Variants in PCDHGA2 observed in about 807,000 individuals in gnomAD.
The protein encoded by PCDHGA2 is protocadherin gamma-A2.
PCDHGA2 carries 40 observed loss-of-function variants against 59.2 expected under a neutral mutation model. The ratio of observed to expected loss-of-function variants is 0.68; its 90% CI spans 0.52 to 0.88. PCDHGA2 has a LOEUF of 0.88. PCDHGA2 is among the 40% of genes least tolerant of loss of function. PCDHGA2 has a pLI of 0.00. For missense variants in PCDHGA2, 1,226 were observed against 1,204.0 expected (o/e 1.02, Z -0.27); for synonymous variants, 560 against 526.0 (o/e 1.06, Z -0.89).
intron 1 of PCDHGA2, chr5:141,413,452 AGGATAGACC>A (rs2095643065): frequency 6.2e-7 from 1 of 1,614,124 alleles, no homozygotes; most frequent in Admixed American, 1.7e-5. Context: ...CACCGCGGGC[AGGATAGACC>A]GGGAGGAGCT....
At chr5:141,469,543 C>T (rs1031152008) in intron 1 of PCDHGA2, among the ~76,000 whole-genome samples, 1 of 152,040 alleles carries the variant, frequency 6.6e-6, no homozygotes, top group Non-Finnish European at 1.5e-5. Context: ...CCACTGCACT[C>T]CAGCCTGGCG....
At chr5:141,370,775 C>T (rs1767193256) in intron 1 of PCDHGA2, 2 of 1,613,848 alleles carry the variant, frequency 1.2e-6, no homozygotes, top group South Asian at 1.1e-5. Flanking sequence ...AGGATATTAA[C>T]GACAACCCAC....
At chr5:141,403,560 A>G in intron 1 of PCDHGA2, 1 of 1,613,972 alleles carries the variant, frequency 6.2e-7, no homozygotes, top group Non-Finnish European at 8.5e-7. Context: ...CTGGACAGGG[A>G]GGAGGCAACT....
chr5:141,372,316 G>T, intron 1 of PCDHGA2: 1 of 1,613,524 alleles, frequency 6.2e-7, no homozygotes, highest in East Asian at 2.2e-5. Flanking sequence ...GCCCGCCAGC[G>T]CCTGCTGGTC....
At chr5:141,434,561 G>A (rs2097702856) in intron 1 of PCDHGA2, among the ~76,000 whole-genome samples, 1 of 152,188 alleles carries the variant, frequency 6.6e-6, no homozygotes, top group Non-Finnish European at 1.5e-5. Flanking sequence ...GTGCCTTAAG[G>A]ACATGCCCCT....
chr5:141,492,461 G>T (rs1218833302), intron 1 of PCDHGA2, among the ~76,000 whole-genome samples: 1 of 152,212 alleles, frequency 6.6e-6, no homozygotes, highest in Non-Finnish European at 1.5e-5. Flanking sequence ...CGCGCCTGAG[G>T]GTCCCAGATC....
chr5:141,365,663 G>C lies in PCDHGA2; in HGVS notation c.2424+24268G>C, dbSNP rs117201633. The stretch of plus-strand genomic sequence containing the variant: ...CCACATCCCCTTGAAAGTAGCAGAC[G>C]TTAATGACAACCCACCCAATTTCCC... On this transcript the variant is annotated intron_variant, in intron 1 of 3. Transcript: ENST00000394576. 4.9e-5 allele frequency: 79 copies of C among 1,613,390 alleles called. No individual in the cohort carries two copies. The East Asian group carries it at 1.3e-3, about 26-fold the overall frequency.
In PCDHGA2 at chr5:141,371,429, G is replaced by A. The variant is rs766625096; in HGVS notation, c.2424+30034G>A. 6.2e-6 allele frequency: 10 copies of A among 1,613,916 alleles called. No homozygotes were observed. In the East Asian group the frequency reaches 1.6e-4, roughly 25 times the overall value. On this transcript the variant is annotated intron_variant, in intron 1 of 3. Transcript: ENST00000394576. ...TTTCAGATGAAAATGACAATGCCCC[G>A]GAGATAACCCTGGCTTCTGAATCCC...
At chr5:141,467,564 G>A (rs926613546) in intron 1 of PCDHGA2, among the ~76,000 whole-genome samples, 5 of 152,152 alleles carry the variant, frequency 3.3e-5, no homozygotes, top group Admixed American at 3.3e-4. Flanking sequence ...TTCCCAAATG[G>A]CTATCCAGTT....
At chr5:141,351,438 C>G in intron 1 of PCDHGA2, 1 of 1,612,402 alleles carries the variant, frequency 6.2e-7, no homozygotes, top group Non-Finnish European at 8.5e-7. Context: ...TTAGAATCCA[C>G]CTCGAAGAAT....
chr5:141,357,520 A>G (rs1385888132), intron 1 of PCDHGA2: 2 of 1,614,216 alleles, frequency 1.2e-6, no homozygotes, highest in Non-Finnish European at 1.7e-6. Flanking sequence ...CTCCCAACCC[A>G]GCTATGCAGA....
chr5:141,373,525 A>G (rs1404075299), intron 1 of PCDHGA2, among the ~76,000 whole-genome samples: 1 of 152,222 alleles, frequency 6.6e-6, no homozygotes, highest in Non-Finnish European at 1.5e-5. Flanking sequence ...TTTGTCTCCA[A>G]AAAAGTGTTT....
Position 141,476,819 on chromosome 5 carries a change from C to T in PCDHGA2, c.2425-17988C>T. ...CAGCCTGCCTATTCACATCAAGGTGCTGGACGCGAATGACAATGCGCCTGT... is the reference window on the plus strand; with the variant it reads ...CAGCCTGCCTATTCACATCAAGGTGTTGGACGCGAATGACAATGCGCCTGT... On this transcript the variant is annotated intron_variant, in intron 1 of 3. Coordinates refer to ENST00000394576, the MANE Select transcript of PCDHGA2 (RefSeq NM_018915.4). The surrounding 1 kb of genome is among the most constrained non-coding windows in gnomAD (Gnocchi z 7.6). 6.2e-7 allele frequency: 1 copy of T among 1,613,524 alleles called. No homozygotes were observed. The highest frequency in any genetic ancestry group is 8.5e-7 in the Non-Finnish European group (1 of 1,180,036).
intron 2 of PCDHGA2, among the ~76,000 whole-genome samples, chr5:141,500,292 T>A (rs1001226545): frequency 2.0e-5 from 3 of 151,954 alleles, no homozygotes; most frequent in Non-Finnish European, 4.4e-5. Context: ...CACTGCAAGC[T>A]CCGCCTCCCA....
At position 141,489,207 on chromosome 5, in the gene PCDHGA2, A is replaced by T; in HGVS notation, c.2425-5600A>T. The T allele has an allele frequency of 6.9e-7, 1 of 1,452,692 alleles. No homozygotes were observed. The highest frequency in any genetic ancestry group is 9.3e-7 in the Non-Finnish European group (1 of 1,073,586). 90.0% of individuals were successfully genotyped at this position (1,452,692 alleles called of 1,614,324 possible). ...GGGTCTACCTTGGAGACAGGACAGC[A>T]CAGACTTACTCTCCACAAAGGGACT... On this transcript the variant is annotated intron_variant, in intron 1 of 3. Transcript: ENST00000394576. The surrounding 1 kb of genome is among the most constrained non-coding windows in gnomAD (Gnocchi z 4.5).
intron 1 of PCDHGA2, chr5:141,400,151 C>T: frequency 6.2e-7 from 1 of 1,614,086 alleles, no homozygotes; most frequent in Non-Finnish European, 8.5e-7. Context: ...ACTGACCGCC[C>T]TGTACCCTCT....
At chr5:141,365,071 C>T (rs184618404) in intron 1 of PCDHGA2, 6 of 1,613,868 alleles carry the variant, frequency 3.7e-6, no homozygotes, top group Non-Finnish European at 5.1e-6. Flanking sequence ...CATCCGAGTA[C>T]AGCGTGAGTG....
Position 141,511,345 on chromosome 5 carries a change from TC to T in PCDHGA2, c.*179del, listed in dbSNP as rs535135679. On this transcript the variant is annotated 3_prime_UTR_variant, in exon 4 of 4. Coordinates refer to ENST00000394576, the MANE Select transcript of PCDHGA2 (RefSeq NM_018915.4). ...AAGTGCCCAGTCAGCACCTACCCCTTCCCCCCCAGGGGGTTGAATATGCAAA... is the reference window on the plus strand; with the variant it reads ...AAGTGCCCAGTCAGCACCTACCCCTTCCCCCCAGGGGGTTGAATATGCAAA... The T allele has an allele frequency of 2.2e-5, 31 of 1,410,342 alleles. No individual in the cohort carries two copies. Among genetic ancestry groups the T allele is most frequent in the South Asian group, 2.9e-5 (2 of 68,200 alleles). 87.4% of individuals were successfully genotyped at this position (1,410,342 alleles called of 1,614,324 possible). A position where few individuals can be genotyped will look rare whatever the true frequency, so the allele number is the denominator to read the frequency against.
intron 1 of PCDHGA2, among the ~76,000 whole-genome samples, chr5:141,464,882 A>T (rs1418376370): frequency 6.6e-6 from 1 of 151,918 alleles, no homozygotes; most frequent in Middle Eastern, 3.2e-3. Context: ...AGGACTACAG[A>T]TGGATGCCAC....
Sources: allele counts gnomAD v4.1 joint callset (sites outside exome capture counted in the v4.1 genomes callset), GRCh38; gene constraint gnomAD v4.1.1; non-coding constraint Gnocchi (gnomAD v3.1); transcripts MANE v1.5; gene names NCBI Gene and HGNC (gene_info 2026-07-23, HGNC 2026-07-21).